The following PTPRT variants were observed in gnomAD, a reference collection of about 807,000 sequenced individuals.
PTPRT encodes protein tyrosine phosphatase receptor type T.
Under a neutral mutation model 176.8 loss-of-function variants are expected in PTPRT, and 56 were observed. The observed-to-expected ratio is 0.32, with a 90% CI of 0.26 to 0.40. The LOEUF is 0.40. Among genes scored for constraint, PTPRT ranks in the 10% least tolerant of loss-of-function variants. PTPRT has a pLI of 1.00. For synonymous variants in PTPRT, 783 were observed against 739.0 expected (o/e 1.06, Z -0.96); for missense variants, 1,540 against 1,908.2 (o/e 0.81, Z 3.60).
At chr20:42,493,878 G>A (rs1314523209) in intron 7 of PTPRT, among the ~76,000 whole-genome samples, 1 of 151,462 alleles carries the variant, frequency 6.6e-6, no homozygotes, top group Admixed American at 6.6e-5. Context: ...CCTAAAGGCA[G>A]CATTTGGCCC....
rs1013291814 is a variant in PTPRT at position 42,077,478 on chromosome 20, T to A, written c.*3401A>T. ...AGAGAGCATTAATAATATTTTCCTC[T>A]GCTCATGACAGGCTGAGCTCACCCT... On this transcript the variant is annotated 3_prime_UTR_variant, in exon 31 of 31. Coordinates refer to ENST00000373187, the MANE Select transcript of PTPRT (RefSeq NM_007050.6). The A allele has an allele frequency of 4.5e-6, 1 of 222,598 alleles. No individual in the cohort carries two copies. The highest frequency in any genetic ancestry group is 9.0e-6 in the Non-Finnish European group (1 of 111,322). The allele number at this position is 222,598 out of a possible 1,614,324, so 13.8% of individuals were successfully genotyped here. A position where few individuals can be genotyped will look rare whatever the true frequency, so the allele number is the denominator to read the frequency against.
rs897041962 is a variant in PTPRT, at chr20:42,096,764, T to A, written c.3846+1657A>T. On this transcript the variant is annotated intron_variant, in intron 27 of 30. Coordinates refer to ENST00000373187, the MANE Select transcript of PTPRT (RefSeq NM_007050.6). The stretch of plus-strand genomic sequence containing the variant: ...ATGCCTGGCTAATTAAAATTTTTTT[T>A]TTTTTTTTTTTTTTTTGTAGAGACA... Among the ~76,000 whole-genome samples, 207 of 134,872 alleles carry A rather than the reference T, an allele frequency of 1.5e-3. 1 individual carries two copies. The highest frequency in any genetic ancestry group is 8.0e-3 in the Middle Eastern group (2 of 250). The allele number at this position is 134,872 out of a possible 152,430, so 88.5% of individuals were successfully genotyped here.
chr20:42,227,493 G>A (rs533465112), intron 15 of PTPRT, among the ~76,000 whole-genome samples: 1 of 151,268 alleles, frequency 6.6e-6, no homozygotes, highest in Non-Finnish European at 1.5e-5. Flanking sequence ...TCATTAGTTT[G>A]TTGCTCACTG....
At chr20:42,732,617 A>C (rs746253168) in intron 6 of PTPRT, among the ~76,000 whole-genome samples, 7 of 152,210 alleles carry the variant, frequency 4.6e-5, no homozygotes, top group Non-Finnish European at 8.8e-5. Flanking sequence ...AGGTAAAAGC[A>C]TCAAATGATG....
chr20:42,963,154 G>A (rs992418005), intron 1 of PTPRT, among the ~76,000 whole-genome samples: 6 of 152,042 alleles, frequency 3.9e-5, no homozygotes, highest in African/African-American at 1.4e-4. Flanking sequence ...AGCTTAGATC[G>A]CACCACTGCG....
intron 7 of PTPRT, among the ~76,000 whole-genome samples, chr20:42,619,941 C>T (rs551826551): frequency 1.4e-4 from 21 of 147,912 alleles, no homozygotes; most frequent in Admixed American, 1.3e-3. Context: ...TCTCTCAGCT[C>T]GTCAAAGTCA....
At chr20:42,330,771 C>T (rs2057954701) in intron 11 of PTPRT, among the ~76,000 whole-genome samples, 1 of 152,110 alleles carries the variant, frequency 6.6e-6, no homozygotes, top group East Asian at 1.9e-4. Flanking sequence ...GCATTCAAAG[C>T]AAACAGTGCT....
intron 7 of PTPRT, among the ~76,000 whole-genome samples, chr20:42,621,170 C>T (rs1472385532): frequency 6.6e-6 from 1 of 152,172 alleles, no homozygotes; most frequent in African/African-American, 2.4e-5. Context: ...CTTTCCCCCT[C>T]TGCCCTGTCC....
intron 6 of PTPRT, among the ~76,000 whole-genome samples, chr20:42,735,722 A>G (rs1227892043): frequency 2.0e-5 from 3 of 151,976 alleles, no homozygotes; most frequent in African/African-American, 7.2e-5. Context: ...CCTGATGCCT[A>G]CAGTCTCCCA....
At chr20:42,918,299 G>A (rs1600555553) in intron 1 of PTPRT, among the ~76,000 whole-genome samples, 1 of 152,252 alleles carries the variant, frequency 6.6e-6, no homozygotes, top group East Asian at 1.9e-4. Flanking sequence ...CCCATCTCCA[G>A]GTAACAGCTT....
At chr20:42,630,165 T>C (rs1214934998) in intron 7 of PTPRT, among the ~76,000 whole-genome samples, 2 of 152,090 alleles carry the variant, frequency 1.3e-5, no homozygotes, top group African/African-American at 4.8e-5. Context: ...GATGCTACAC[T>C]GCTACCTTTG....
chr20:42,405,366 C>T (rs908205750), intron 9 of PTPRT, among the ~76,000 whole-genome samples: 8 of 151,996 alleles, frequency 5.3e-5, no homozygotes, highest in Non-Finnish European at 1.0e-4. Context: ...CAACAGGCCC[C>T]GGTGTGTGAT....
At chr20:42,174,870 T>C (rs1209454716) in intron 16 of PTPRT, among the ~76,000 whole-genome samples, 1 of 152,190 alleles carries the variant, frequency 6.6e-6, no homozygotes, top group African/African-American at 2.4e-5. Flanking sequence ...CTCTGAAAAC[T>C]GGAGATAGAA....
At chr20:42,505,601 C>A (rs2071830907) in intron 7 of PTPRT, among the ~76,000 whole-genome samples, 1 of 152,146 alleles carries the variant, frequency 6.6e-6, no homozygotes, top group South Asian at 2.1e-4. Context: ...CAAGCCTGGC[C>A]TCCTGTCTCT....
At chr20:42,449,036 A>G (rs890307741) in intron 8 of PTPRT, among the ~76,000 whole-genome samples, 1 of 152,112 alleles carries the variant, frequency 6.6e-6, no homozygotes, top group African/African-American at 2.4e-5. Flanking sequence ...TCATCTTACC[A>G]AGTATCATTT....
chr20:42,371,487 A>G (rs1568820680), intron 9 of PTPRT, among the ~76,000 whole-genome samples: 1 of 150,162 alleles, frequency 6.7e-6, no homozygotes, highest in Non-Finnish European at 1.5e-5. Flanking sequence ...TTTCACATTT[A>G]TCTGTTTATC....
At chr20:42,815,847 G>C (rs1043589233) in intron 2 of PTPRT, among the ~76,000 whole-genome samples, 2 of 152,118 alleles carry the variant, frequency 1.3e-5, no homozygotes, top group African/African-American at 4.8e-5. Flanking sequence ...TGTATACCCA[G>C]CAAAACTATC....
At chr20:42,823,218 T>A (rs2077930530) in intron 2 of PTPRT, among the ~76,000 whole-genome samples, 2 of 152,124 alleles carry the variant, frequency 1.3e-5, no homozygotes, top group Admixed American at 1.3e-4. Context: ...TAAAAAGGAA[T>A]GAGATCATGT....
chr20:42,137,152 G>A (rs1016894311), intron 18 of PTPRT, among the ~76,000 whole-genome samples: 22 of 152,312 alleles, frequency 1.4e-4, no homozygotes, highest in African/African-American at 5.3e-4. Context: ...ATATGGCAGG[G>A]TACCAATGGT....
Sources: allele counts gnomAD v4.1 joint callset (sites outside exome capture counted in the v4.1 genomes callset), GRCh38; gene constraint gnomAD v4.1.1; transcripts MANE v1.5; gene names NCBI Gene and HGNC (gene_info 2026-07-23, HGNC 2026-07-21).